ZC3H18: variants seen among roughly 807,000 people sequenced by gnomAD.
ZC3H18 encodes the protein zinc finger CCCH-type containing 18, also known as zinc finger CCCH domain-containing protein 18.
ZC3H18 carries 8 observed loss-of-function variants against 106.1 expected under a neutral mutation model. The observed-to-expected ratio is 0.08, with a 90% confidence interval of 0.04 to 0.14. The LOEUF is 0.14. Ranked by LOEUF, ZC3H18 falls within the 10% of genes least tolerant of loss-of-function variation. The pLI is 1.00. For synonymous variants in ZC3H18, 635 were observed against 522.1 expected, an observed-to-expected ratio of 1.22 and a Z score of -2.95; for missense variants, 1,318 against 1,278.4, an observed-to-expected ratio of 1.03 and a Z score of -0.47.
rs937450839 is a variant in ZC3H18, at chr16:88,627,872, A to G, written c.2270-48A>G. On this transcript the variant is annotated intron_variant, in intron 14 of 17. Transcript: ENST00000301011. This position sits in a 1 kb window ranked among gnomAD's most constrained non-coding sequence, Gnocchi z 4.5. Reference sequence around the variant, plus strand: ...ACTTTGCCTGGCTGTTGGTGTGGCCATGGGAAAATCACCAGTACCCCCATG... The same window carrying G: ...ACTTTGCCTGGCTGTTGGTGTGGCCGTGGGAAAATCACCAGTACCCCCATG... 5 of 1,613,182 alleles carry G rather than the reference A, an allele frequency of 3.1e-6. No homozygotes were observed. In the African/African-American group the frequency reaches 4.0e-5, roughly 13 times the overall value.
rs376734925 is a variant in ZC3H18 at position 88,628,019 on chromosome 16, C to T, written c.2369C>T (p.Ser790Phe). Residue 790 changes from serine (S) to phenylalanine (F), a missense_variant, in exon 15 of 18, where the codon TCC becomes TTC. Ser to Phe is a radical substitution (Grantham distance 155). Around this residue, in one of 6 missense-constraint regions of ZC3H18, gnomAD observed 848 missense variants for 821.7 expected, o/e 1.03. Coordinates refer to ENST00000301011, the MANE Select transcript of ZC3H18 (RefSeq NM_144604.4). ...KSAKPPAGGK[S>F]SQQPSTPQQA... Reference sequence around the variant, plus strand: ...GCAAAACCTCCAGCAGGGGGGAAGTCCTCCCAGCAGCCCTCGACACCCCAG... The same window carrying T: ...GCAAAACCTCCAGCAGGGGGGAAGTTCTCCCAGCAGCCCTCGACACCCCAG... 30 of 1,614,064 alleles carry T rather than the reference C, an allele frequency of 1.9e-5. No individual in the cohort carries two copies. Among genetic ancestry groups the T allele is most frequent in the African/African-American group, 2.7e-5 (2 of 74,938 alleles).
chr16:88,585,474 AGGT>A (rs1050223753), intron 2 of ZC3H18, among the ~76,000 whole-genome samples: 6 of 152,218 alleles, frequency 3.9e-5, no homozygotes, highest in African/African-American at 1.4e-4. Flanking sequence ...TCAGCCAGGC[AGGT>A]GGTGGTGTCG....
intron 1 of ZC3H18, among the ~76,000 whole-genome samples, chr16:88,575,064 C>T (rs568248861): frequency 5.4e-5 from 8 of 147,644 alleles, no homozygotes; most frequent in African/African-American, 2.0e-4. Flanking sequence ...CTCCTGACCT[C>T]GTGATCCACC....
At chr16:88,595,094 T>A (rs1411138022) in intron 3 of ZC3H18, among the ~76,000 whole-genome samples, 3 of 152,210 alleles carry the variant, frequency 2.0e-5, no homozygotes, top group Non-Finnish European at 4.4e-5. Context: ...GAGGTTGCAG[T>A]GAGCTGAGAT....
chr16:88,608,943 T>C lies in ZC3H18; in HGVS notation c.1098T>C (p.Pro366=), dbSNP rs1338684891. The change falls in exon 7 of 18, where the codon CCT becomes CCC. Residue 366 remains proline (P), a synonymous_variant. Transcript: ENST00000301011. The stretch of plus-strand genomic sequence containing the variant: ...CATTGGCCCTTTTCAGACTCGAGCC[T>C]TACGCAGACCCTTATTATGACTATG... The part of the protein sequence containing the change: ...PRDVRDTVLE[P]YADPYYDYEI... 6.2e-7 allele frequency: 1 copy of C among 1,612,132 alleles called. No individual in the cohort carries two copies. The highest frequency in any genetic ancestry group is 1.3e-5 in the African/African-American group (1 of 74,840).
chr16:88,615,664 A>T (rs1463533605), intron 8 of ZC3H18, among the ~76,000 whole-genome samples: 1 of 152,194 alleles, frequency 6.6e-6, no homozygotes, highest in African/African-American at 2.4e-5. Flanking sequence ...AGAAGCAGAG[A>T]CATAGAAAGG....
chr16:88,581,032 A>T (rs1467695457), intron 2 of ZC3H18, among the ~76,000 whole-genome samples: 1 of 152,172 alleles, frequency 6.6e-6, no homozygotes, highest in African/African-American at 2.4e-5. Flanking sequence ...CTTTCCCTGC[A>T]TGCCTGCAGC....
intron 3 of ZC3H18, chr16:88,587,712 C>G: frequency 8.1e-7 from 1 of 1,228,284 alleles, no homozygotes; most frequent in South Asian, 1.3e-5. Context: ...AGCTGTGAAG[C>G]CAGAAGGAAA....
intron 8 of ZC3H18, among the ~76,000 whole-genome samples, chr16:88,615,772 GCCACAGACC>G (rs1905560723): frequency 6.6e-6 from 1 of 152,168 alleles, no homozygotes. Context: ...CACGTGCCTG[GCCACAGACC>G]CCCTTCCCCA....
chr16:88,573,893 A>G (rs1339203175), intron 1 of ZC3H18, among the ~76,000 whole-genome samples: 1 of 150,892 alleles, frequency 6.6e-6, no homozygotes, highest in Non-Finnish European at 1.5e-5. Context: ...TTTTTTTGAG[A>G]CGGAGTTTTG....
intron 3 of ZC3H18, 28 bp from the exon 4 acceptor site, chr16:88,598,150 C>G (rs778816399): frequency 6.8e-6 from 10 of 1,465,390 alleles, no homozygotes; most frequent in South Asian, 2.3e-5. Flanking sequence ...CTTGTGGACC[C>G]TTTCTGATCT....
At chr16:88,626,716 C>G (rs1244229513) in intron 13 of ZC3H18, 1 of 151,778 alleles carries the variant, frequency 6.6e-6, no homozygotes, top group African/African-American at 2.4e-5. Flanking sequence ...AAAAATGGTT[C>G]TCTTACATTC....
chr16:88,601,082 G>A (rs1031119697), intron 6 of ZC3H18, among the ~76,000 whole-genome samples: 50 of 152,242 alleles, frequency 3.3e-4, no homozygotes, highest in African/African-American at 9.2e-4. Flanking sequence ...TTCTTGCCGC[G>A]AGCAGGCTAC....
At chr16:88,600,867 A>G (rs971168115) in intron 6 of ZC3H18, among the ~76,000 whole-genome samples, 8 of 152,252 alleles carry the variant, frequency 5.3e-5, no homozygotes, top group Admixed American at 2.6e-4. Context: ...GAACTGGATT[A>G]TAATTCGGGC....
intron 11 of ZC3H18, chr16:88,624,282 C>T (rs994518530): frequency 2.9e-6 from 2 of 690,076 alleles, no homozygotes; most frequent in African/African-American, 3.6e-5. Flanking sequence ...ACCCTGGGGA[C>T]AGAGCACAGC....
chr16:88,578,635 G>A (rs1173846309), intron 2 of ZC3H18, among the ~76,000 whole-genome samples: 1 of 152,066 alleles, frequency 6.6e-6, no homozygotes, highest in African/African-American at 2.4e-5. Context: ...TCATGCTCTG[G>A]GTTGAGGCAG....
At position 88,631,689 on chromosome 16, in the gene ZC3H18, G is replaced by T. The variant is rs1482159769; in HGVS notation, c.*390G>T. 6.5e-6 allele frequency: 3 copies of T among 458,576 alleles called. No homozygotes were observed. The highest frequency in any genetic ancestry group is 2.0e-5 in the African/African-American group (1 of 50,032). 28.4% of individuals were successfully genotyped at this position (458,576 alleles called of 1,614,324 possible). On this transcript the variant is annotated 3_prime_UTR_variant, in exon 18 of 18. Coordinates refer to ENST00000301011, the MANE Select transcript of ZC3H18 (RefSeq NM_144604.4). ...GCAGCCAGGCTCCCTCCTGAGCTGA[G>T]AAACGGAACCTCGCGAACCACTGGT...
At chr16:88,582,349 C>T (rs770702926) in intron 2 of ZC3H18, among the ~76,000 whole-genome samples, 1 of 150,478 alleles carries the variant, frequency 6.6e-6, no homozygotes, top group Non-Finnish European at 1.5e-5. Flanking sequence ...CTTAGCCTCC[C>T]GATTAGCTGG....
chr16:88,630,967 T>C, intron 17 of ZC3H18, 134 bp from the exon 18 acceptor site: 2 of 1,128,540 alleles, frequency 1.8e-6, no homozygotes, highest in Admixed American at 2.0e-5. Flanking sequence ...AGTGGGAGCC[T>C]GGCCATCCAG....
Sources: allele counts gnomAD v4.1 joint callset (sites outside exome capture counted in the v4.1 genomes callset), GRCh38; gene constraint gnomAD v4.1.1; regional missense constraint gnomAD v4.1.1; non-coding constraint Gnocchi (gnomAD v3.1); transcripts MANE v1.5; gene names NCBI Gene and HGNC (gene_info 2026-07-23, HGNC 2026-07-21).